Variants in CACNA2D1 observed in about 807,000 individuals in gnomAD.
CACNA2D1 encodes the protein calcium voltage-gated channel auxiliary subunit alpha2delta 1, also known as voltage-dependent calcium channel subunit alpha-2/delta-1.
In CACNA2D1, 53 loss-of-function variants were observed where a neutral mutation model predicts 171.5. The observed-to-expected ratio is 0.31, with a 90% confidence interval of 0.25 to 0.39. CACNA2D1 has a LOEUF of 0.39. Among genes scored for constraint, CACNA2D1 ranks in the 10% least tolerant of loss-of-function variants. The probability of loss-of-function intolerance (pLI) is 1.00; values close to 1 mark genes in which losing one functional copy is unlikely to be tolerated. For missense variants in CACNA2D1, 903 were observed against 1,299.8 expected, an observed-to-expected ratio of 0.69 and a Z score of 4.69; for synonymous variants, 442 against 443.1, an observed-to-expected ratio of 1.00 and a Z score of 0.03.
Position 81,948,864 on chromosome 7 carries a change from TCTG to T in CACNA2D1, c.*1525_*1527del, listed in dbSNP as rs202103481. On this transcript the variant is annotated 3_prime_UTR_variant, in exon 39 of 39. Coordinates refer to ENST00000356860, the MANE Select transcript of CACNA2D1 (RefSeq NM_000722.4). ...AAATAATTTTTAAAAGCATAAATAATCTGCTACCATATTAGTCTATAATGAAAT... is the reference window on the plus strand; with the variant it reads ...AAATAATTTTTAAAAGCATAAATAATCTACCATATTAGTCTATAATGAAAT... The T allele has an allele frequency of 1.4e-4, 21 of 152,094 alleles. No individual in the cohort carries two copies. In the East Asian group the frequency reaches 3.3e-3, roughly 24 times the overall value. The allele number at this position is 152,094 out of a possible 1,614,324, so 9.4% of individuals were successfully genotyped here.
chr7:82,047,237 T>C (rs987507475), intron 10 of CACNA2D1, among the ~76,000 whole-genome samples: 1 of 152,154 alleles, frequency 6.6e-6, no homozygotes, highest in African/African-American at 2.4e-5. Context: ...GTTTTTTGCA[T>C]AGCCCTCTAG....
At chr7:82,053,531 T>G (rs566257817) in intron 10 of CACNA2D1, among the ~76,000 whole-genome samples, 1 of 152,224 alleles carries the variant, frequency 6.6e-6, no homozygotes, top group East Asian at 1.9e-4. Flanking sequence ...GATATTTTTA[T>G]AGTAAATAAG....
chr7:82,214,511 G>A (rs1325966665), intron 3 of CACNA2D1, among the ~76,000 whole-genome samples: 1 of 151,342 alleles, frequency 6.6e-6, no homozygotes, highest in Non-Finnish European at 1.5e-5. Context: ...GGGAAAGTAA[G>A]GACCTCAATC....
At chr7:82,282,394 GA>G (rs1386554338) in intron 3 of CACNA2D1, among the ~76,000 whole-genome samples, 1 of 152,174 alleles carries the variant, frequency 6.6e-6, no homozygotes, top group East Asian at 1.9e-4. Context: ...TATCGGAATT[GA>G]AAATACCCAG....
intron 7 of CACNA2D1, among the ~76,000 whole-genome samples, chr7:82,079,263 T>C (rs982370472): frequency 6.6e-6 from 1 of 152,216 alleles, no homozygotes; most frequent in Non-Finnish European, 1.5e-5. Flanking sequence ...CATCTAAGCA[T>C]TGTTATCCTC....
At chr7:81,975,038 T>C (rs28496726) in intron 24 of CACNA2D1, among the ~76,000 whole-genome samples, 5 of 150,896 alleles carry the variant, frequency 3.3e-5, no homozygotes, top group African/African-American at 1.2e-4. Context: ...AAAAAAAAAA[T>C]TGCCTGGAGT....
intron 3 of CACNA2D1, among the ~76,000 whole-genome samples, chr7:82,178,540 C>T (rs1353806429): frequency 6.6e-6 from 1 of 152,114 alleles, no homozygotes; most frequent in African/African-American, 2.4e-5. Context: ...TCCAATCCCA[C>T]CATCATCCAA....
intron 7 of CACNA2D1, among the ~76,000 whole-genome samples, chr7:82,073,876 C>T (rs1171469399): frequency 6.6e-6 from 1 of 152,170 alleles, no homozygotes; most frequent in Non-Finnish European, 1.5e-5. Flanking sequence ...GCTTTGATTA[C>T]AGGCGTCAGC....
rs1810340298 is a variant in CACNA2D1, at chr7:82,283,200, T to C, written c.294+51935A>G. On this transcript the variant is annotated intron_variant, in intron 3 of 38. Transcript: ENST00000356860. ...AAAAAAATTTCATTTCAGAAAATAG[T>C]GTACCTATCTTTTCCATTCTGTGTT... Among the ~76,000 whole-genome samples, 3 of 152,114 alleles carry C rather than the reference T, an allele frequency of 2.0e-5. No homozygotes were observed. The South Asian group carries it at 6.2e-4, about 32-fold the overall frequency.
At chr7:82,347,112 T>C (rs2129445595) in intron 2 of CACNA2D1, among the ~76,000 whole-genome samples, 1 of 152,258 alleles carries the variant, frequency 6.6e-6, no homozygotes, top group South Asian at 2.1e-4. Context: ...AACAAACCTA[T>C]TCACTCTTGA....
intron 3 of CACNA2D1, among the ~76,000 whole-genome samples, chr7:82,320,760 A>G (rs1336430734): frequency 6.6e-6 from 1 of 152,010 alleles, no homozygotes; most frequent in African/African-American, 2.4e-5. Flanking sequence ...ACTTAAGTAT[A>G]ATAAAGCAAT....
intron 24 of CACNA2D1, among the ~76,000 whole-genome samples, chr7:81,975,464 T>G (rs1270291760): frequency 2.6e-5 from 4 of 152,158 alleles, no homozygotes; most frequent in African/African-American, 9.6e-5. Flanking sequence ...ATACAGAAAA[T>G]TTGTCCTCAC....
chr7:82,188,493 T>C (rs1337021442), intron 3 of CACNA2D1, among the ~76,000 whole-genome samples: 2 of 152,086 alleles, frequency 1.3e-5, no homozygotes, highest in East Asian at 3.8e-4. Context: ...AGTATCATCA[T>C]GGGAACTTGG....
chr7:82,102,930 G>T (rs1051146718), intron 6 of CACNA2D1, among the ~76,000 whole-genome samples: 9 of 152,140 alleles, frequency 5.9e-5, no homozygotes, highest in African/African-American at 1.9e-4. Context: ...TTCATGAAAT[G>T]ATTATTTTTA....
intron 3 of CACNA2D1, among the ~76,000 whole-genome samples, chr7:82,186,495 AG>A (rs977004188): frequency 1.3e-5 from 2 of 152,212 alleles, no homozygotes; most frequent in African/African-American, 4.8e-5. Flanking sequence ...TTAAGGTTGC[AG>A]GGTATTTACT....
intron 3 of CACNA2D1, among the ~76,000 whole-genome samples, chr7:82,299,210 T>C (rs983068835): frequency 3.3e-5 from 5 of 152,174 alleles, no homozygotes; most frequent in African/African-American, 1.2e-4. Context: ...GTTGATCATA[T>C]ACCAAATTAT....
chr7:82,172,088 T>A (rs557196984), intron 3 of CACNA2D1, among the ~76,000 whole-genome samples: 189 of 152,024 alleles, frequency 1.2e-3, no homozygotes, highest in Non-Finnish European at 2.3e-3. Flanking sequence ...AAAGCTAAAT[T>A]TAAGTGAAAA....
At chr7:82,186,720 G>GA (rs1797821484) in intron 3 of CACNA2D1, among the ~76,000 whole-genome samples, 1 of 152,084 alleles carries the variant, frequency 6.6e-6, no homozygotes, top group Non-Finnish European at 1.5e-5. Flanking sequence ...TAGAAGGTAA[G>GA]ATTTCTGGAA....
At chr7:82,326,055 G>A (rs1222751642) in intron 3 of CACNA2D1, among the ~76,000 whole-genome samples, 2 of 152,162 alleles carry the variant, frequency 1.3e-5, no homozygotes, top group African/African-American at 2.4e-5. Flanking sequence ...CCTGTCCAGG[G>A]TAGGTTCCCA....
Sources: gnomAD v4.1 joint callset for allele counts (sites outside exome capture counted in the v4.1 genomes callset) on GRCh38, gnomAD v4.1.1 for gene constraint, MANE v1.5 for transcripts, NCBI Gene and HGNC (gene_info 2026-07-23, HGNC 2026-07-21) for gene names.